ASAP1: variants seen among roughly 807,000 people sequenced by gnomAD.
ASAP1 encodes ArfGAP with SH3 domain, ankyrin repeat and PH domain 1.
ASAP1 carries 43 observed loss-of-function variants against 145.2 expected under a neutral mutation model. The ratio of observed to expected loss-of-function variants is 0.30; its 90% CI spans 0.23 to 0.38. The LOEUF (loss-of-function observed/expected upper bound fraction) is 0.38. Ranked by LOEUF, ASAP1 falls within the 10% of genes least tolerant of loss-of-function variation. ASAP1 has a pLI of 1.00. For synonymous variants in ASAP1, 546 were observed against 515.5 expected (o/e 1.06, Z -0.80); for missense variants, 1,018 against 1,355.3 (o/e 0.75, Z 3.91).
chr8:130,083,409 GACCAGCCCTTATA>G (rs1373094317), intron 25 of ASAP1: 23 of 152,186 alleles, frequency 1.5e-4, no homozygotes, highest in Admixed American at 1.4e-3. Context: ...TAGCTGACTT[GACCAGCCCTTATA>G]ACCAGCTTCT....
chr8:130,420,295 TCTTGGCGAGGATGTAGAGAAA>T (rs1829667912), intron 1 of ASAP1, among the ~76,000 whole-genome samples: 1 of 149,912 alleles, frequency 6.7e-6, no homozygotes, highest in Non-Finnish European at 1.5e-5. Flanking sequence ...CAATAACAAG[TCTTGGCGAGGATGTAGAGAAA>T]CTGGAACCCT....
intron 4 of ASAP1, 87 bp downstream of exon 4, chr8:130,236,835 T>C: frequency 9.8e-7 from 1 of 1,015,412 alleles, no homozygotes. Context: ...TCAAGTTTCC[T>C]ATAAACTTAA....
intron 27 of ASAP1, among the ~76,000 whole-genome samples, chr8:130,070,133 T>C (rs2097439523): frequency 1.3e-5 from 2 of 151,976 alleles, no homozygotes; most frequent in African/African-American, 4.8e-5. Flanking sequence ...GCCTCCCGGG[T>C]TCACGCCATT....
intron 3 of ASAP1, among the ~76,000 whole-genome samples, chr8:130,325,670 C>A (rs1286396790): frequency 1.3e-5 from 2 of 152,160 alleles, no homozygotes; most frequent in Non-Finnish European, 2.9e-5. Context: ...ATACATAGAA[C>A]AGAATGAAGT....
intron 3 of ASAP1, among the ~76,000 whole-genome samples, chr8:130,248,565 G>GAGGC (rs1409627429): frequency 2.6e-5 from 4 of 152,090 alleles, no homozygotes; most frequent in Non-Finnish European, 5.9e-5. Context: ...GGCCAAGATG[G>GAGGC]AGCCTCTAGG....
chr8:130,093,666 C>CAAAAAAAA (rs71572317), intron 24 of ASAP1, among the ~76,000 whole-genome samples: 3,046 of 52,106 alleles, frequency 0.058, 455 homozygotes, highest in East Asian at 0.18. Flanking sequence ...GACTCCGTCT[C>CAAAAAAAA]AAAAAAAAAA....
At chr8:130,204,176 C>T (rs1407720414) in intron 5 of ASAP1, among the ~76,000 whole-genome samples, 1 of 152,144 alleles carries the variant, frequency 6.6e-6, no homozygotes, top group African/African-American at 2.4e-5. Flanking sequence ...TCATAGGAGA[C>T]GGAACCCTAC....
intron 14 of ASAP1, 66 bp from the exon 15 acceptor site, chr8:130,134,410 G>T: frequency 9.8e-7 from 1 of 1,016,068 alleles, no homozygotes. Flanking sequence ...GTACAACACA[G>T]ATTTAAGTTC....
At chr8:130,136,560 CTTTTT>C (rs79726935) in intron 14 of ASAP1, among the ~76,000 whole-genome samples, 2 of 144,354 alleles carry the variant, frequency 1.4e-5, no homozygotes, top group East Asian at 4.0e-4. Flanking sequence ...CACCTAGTGG[CTTTTT>C]TTTTTTTTTT....
chr8:130,093,687 A>AAAAAAAAAAAAAAAAAAT (rs2097510914), intron 24 of ASAP1, among the ~76,000 whole-genome samples: 1 of 107,868 alleles, frequency 9.3e-6, no homozygotes, highest in Non-Finnish European at 1.9e-5. Flanking sequence ...AAAAAAAAAA[A>AAAAAAAAAAAAAAAAAAT]AAGAAAGCTA....
intron 3 of ASAP1, among the ~76,000 whole-genome samples, chr8:130,308,616 G>A (rs912094568): frequency 2.0e-5 from 3 of 152,194 alleles, no homozygotes; most frequent in Admixed American, 1.3e-4. Flanking sequence ...CAAACATGGA[G>A]AATCCGGAAA....
chr8:130,138,692 C>T (rs1465007503), intron 13 of ASAP1, among the ~76,000 whole-genome samples: 7 of 151,868 alleles, frequency 4.6e-5, no homozygotes, highest in African/African-American at 7.3e-5. Flanking sequence ...CAAAATTAGC[C>T]GGGCGTGGTG....
chr8:130,184,850 C>T (rs576945330), intron 7 of ASAP1, among the ~76,000 whole-genome samples: 34 of 152,290 alleles, frequency 2.2e-4, no homozygotes, highest in South Asian at 8.3e-4. Flanking sequence ...TACCTTATCT[C>T]GTCCTCACAA....
chr8:130,305,828 T>TA lies in ASAP1; in HGVS notation c.186+52188dup, dbSNP rs1225124378. On this transcript the variant is annotated intron_variant, in intron 3 of 29. Coordinates refer to ENST00000518721, the MANE Select transcript of ASAP1 (RefSeq NM_018482.4). The stretch of plus-strand genomic sequence containing the variant: ...ACTGGACCACTCAAATGGACTTTAC[T>TA]ACCAGCTGTTTCACTGGCACCCCCT... 6.6e-5 allele frequency among the ~76,000 whole-genome samples: 10 copies of TA among 152,328 alleles called. No individual in the cohort carries two copies. The South Asian group carries it at 2.1e-3, about 32-fold the overall frequency.
At chr8:130,310,642 A>C (rs1209578340) in intron 3 of ASAP1, among the ~76,000 whole-genome samples, 2 of 152,280 alleles carry the variant, frequency 1.3e-5, no homozygotes, top group East Asian at 3.9e-4. Flanking sequence ...AAAATGGGTC[A>C]CACTATTTAT....
intron 25 of ASAP1, among the ~76,000 whole-genome samples, chr8:130,091,192 A>G (rs1229150129): frequency 6.6e-6 from 1 of 152,226 alleles, no homozygotes; most frequent in Non-Finnish European, 1.5e-5. Flanking sequence ...TGGTTCCAGT[A>G]AACACTGGTG....
chr8:130,188,723 C>CAAAAAAAAAAAAAAAAAA (rs370580190), intron 5 of ASAP1, among the ~76,000 whole-genome samples: 25 of 83,838 alleles, frequency 3.0e-4, no homozygotes, highest in Non-Finnish European at 4.7e-4. Flanking sequence ...GAGACTCTCT[C>CAAAAAAAAAAAAAAAAAA]AAAAAAAAAA....
chr8:130,077,509 T>G lies in ASAP1; in HGVS notation c.2643-1103A>C, dbSNP rs369270890. 1.3e-4 allele frequency among the ~76,000 whole-genome samples: 19 copies of G among 149,802 alleles called. 1 individual carries two copies. In the East Asian group the frequency reaches 2.2e-3, roughly 17 times the overall value. ...ATCTCTCCATTTCTGTCCCCTGATG[T>G]CCTAAGAGTTGGTTGCTGCTGCTGC... On this transcript the variant is annotated intron_variant, in intron 26 of 29. Coordinates refer to ENST00000518721, the MANE Select transcript of ASAP1 (RefSeq NM_018482.4).
At position 130,071,009 on chromosome 8, in the gene ASAP1, G is replaced by GAGAGAGAGAGAGAGA. The variant is rs1450787966; in HGVS notation, c.2701+5338_2701+5339insTCTCTCTCTCTCTCT. The stretch of plus-strand genomic sequence containing the variant: ...GGAGAGAGAGAGAGAGAGGGGAGGG[G>GAGAGAGAGAGAGAGA]GGGAGAGAGAGAGAGAGAGAGAGAG... On this transcript the variant is annotated intron_variant, in intron 27 of 29. Coordinates refer to ENST00000518721, the MANE Select transcript of ASAP1 (RefSeq NM_018482.4). 2.1e-3 allele frequency among the ~76,000 whole-genome samples: 15 copies of GAGAGAGAGAGAGAGA among 7,012 alleles called. 1 individual carries two copies. Among genetic ancestry groups the GAGAGAGAGAGAGAGA allele is most frequent in the African/African-American group, 1.0e-2 (11 of 1,102 alleles). 4.6% of individuals were successfully genotyped at this position (7,012 alleles called of 152,430 possible).
Sources: gnomAD v4.1 joint callset for allele counts (sites outside exome capture counted in the v4.1 genomes callset) on GRCh38, gnomAD v4.1.1 for gene constraint, MANE v1.5 for transcripts, NCBI Gene and HGNC (gene_info 2026-07-23, HGNC 2026-07-21) for gene names.